The following CCNH variants were observed in gnomAD, a reference collection of about 807,000 sequenced individuals.
The protein encoded by CCNH is cyclin-H.
CCNH carries 31 observed loss-of-function variants against 41.9 expected under a neutral mutation model. The observed-to-expected ratio is 0.74, with a 90% CI of 0.56 to 1.00. CCNH has a LOEUF of 1.00. Among genes scored for constraint, CCNH ranks in the 50% least tolerant of loss-of-function variants. The probability of loss-of-function intolerance (pLI) is 0.00; values close to 1 mark genes in which losing one functional copy is unlikely to be tolerated. For missense variants in CCNH, 362 were observed against 388.4 expected, an observed-to-expected ratio of 0.93 and a Z score of 0.57; for synonymous variants, 138 against 136.1, an observed-to-expected ratio of 1.01 and a Z score of -0.10.
downstream of CCNH, among the ~76,000 whole-genome samples, chr5:87,373,338 A>G (rs1004215199): frequency 6.6e-6 from 1 of 152,126 alleles, no homozygotes; most frequent in African/African-American, 2.4e-5. Flanking sequence ...GAGATGATTT[A>G]CGGCATACAG....
At chr5:87,374,368 G>T, downstream of CCNH, 3 of 1,538,470 alleles carry the variant, frequency 1.9e-6, no homozygotes, top group Non-Finnish European at 2.7e-6. Context: ...TTACCATATT[G>T]CATTTCTTTC....
downstream of CCNH, among the ~76,000 whole-genome samples, chr5:87,393,084 A>C (rs530264395): frequency 2.3e-4 from 35 of 152,004 alleles, no homozygotes; most frequent in Non-Finnish European, 4.3e-4. Flanking sequence ...GAAAAAAAAA[A>C]AACCCACAAA....
At chr5:87,408,919 T>C (rs3093790) in intron 3 of CCNH, among the ~76,000 whole-genome samples, 3,776 of 152,090 alleles carry the variant, frequency 0.025, 106 homozygotes, top group African/African-American at 0.057. Flanking sequence ...CTGAAATGAG[T>C]ATGAAGCTAT....
At chr5:87,393,720 G>C (rs572507044), downstream of CCNH, 11 of 152,228 alleles carry the variant, frequency 7.2e-5, no homozygotes, top group East Asian at 2.1e-3. Context: ...CAATTACTCA[G>C]AAAACTGAGG....
intron 3 of CCNH, 92 bp from the exon 4 acceptor site, chr5:87,408,278 TA>T: frequency 1.7e-6 from 1 of 589,054 alleles, no homozygotes; most frequent in East Asian, 3.0e-5. Flanking sequence ...AATTTATTTC[TA>T]AAAGTATATT....
downstream of CCNH, among the ~76,000 whole-genome samples, chr5:87,387,842 A>G (rs1762171083): frequency 6.6e-6 from 1 of 152,216 alleles, no homozygotes; most frequent in Non-Finnish European, 1.5e-5. Context: ...ATGCTTCTAT[A>G]TGTGAACTGG....
chr5:87,394,762 A>G, intron 8 of CCNH: 1 of 1,346,548 alleles, frequency 7.4e-7, no homozygotes, highest in Non-Finnish European at 9.5e-7. Flanking sequence ...GGGGTAAGGG[A>G]AAAATCCTTG....
intron 7 of CCNH, among the ~76,000 whole-genome samples, chr5:87,395,908 A>T (rs1192787062): frequency 6.6e-6 from 1 of 152,072 alleles, no homozygotes; most frequent in African/African-American, 2.4e-5. Flanking sequence ...GGCAAAAATT[A>T]GTATTTGGAA....
At chr5:87,363,581 G>A in intron 9 of CCNH, 2 of 1,495,228 alleles carry the variant, frequency 1.3e-6, no homozygotes, top group South Asian at 2.3e-5. Flanking sequence ...AACCAATTTT[G>A]AGAGCCCTAA....
At chr5:87,379,633 G>A (rs115985005), upstream of CCNH, 9,867 of 1,484,964 alleles carry the variant, frequency 6.6e-3, 38 homozygotes, top group Non-Finnish European at 7.3e-3. Flanking sequence ...CAGAGATACC[G>A]AAAAATAGAC....
intron 3 of CCNH, among the ~76,000 whole-genome samples, chr5:87,408,751 C>T (rs1227983594): frequency 6.6e-6 from 1 of 152,128 alleles, no homozygotes; most frequent in African/African-American, 2.4e-5. Context: ...GCAGTGAGAT[C>T]AAGGGCCTAA....
intron 9 of CCNH, among the ~76,000 whole-genome samples, chr5:87,368,200 T>A (rs574556785): frequency 6.6e-6 from 1 of 152,274 alleles, no homozygotes; most frequent in Non-Finnish European, 1.5e-5. Context: ...TGTACCAACC[T>A]ATATATTTTC....
intron 9 of CCNH, among the ~76,000 whole-genome samples, chr5:87,364,883 TA>T (rs1338616630): frequency 6.6e-6 from 1 of 152,158 alleles, no homozygotes; most frequent in Non-Finnish European, 1.5e-5. Context: ...ATTATCCTGA[TA>T]GAATGAGGAG....
intron 9 of CCNH, among the ~76,000 whole-genome samples, chr5:87,356,779 T>C (rs1342277656): frequency 3.9e-5 from 6 of 152,204 alleles, no homozygotes; most frequent in East Asian, 3.8e-4. Context: ...ACATAACTTA[T>C]ACGTGCACTG....
In CCNH at chr5:87,346,595, ATTGG is replaced by A. The variant is rs1206419207; in HGVS notation, c.*91-27702_*91-27699del. 4.7e-6 allele frequency: 4 copies of A among 857,240 alleles called. No homozygotes were observed. In the African/African-American group the frequency reaches 6.9e-5, roughly 15 times the overall value. 53.1% of individuals were successfully genotyped at this position (857,240 alleles called of 1,614,324 possible). On this transcript the variant is annotated intron_variant and NMD_transcript_variant, in intron 9 of 9. Coordinates refer to the CCNH transcript ENST00000645953. ...TATCACTTTGAATTAAACTTACTATATTGGTTGTTTAATTTTGATCATATGATAA... is the reference window on the plus strand; with the variant it reads ...TATCACTTTGAATTAAACTTACTATATTGTTTAATTTTGATCATATGATAA...
chr5:87,372,985 A>G (rs1417297754), downstream of CCNH, among the ~76,000 whole-genome samples: 1 of 152,206 alleles, frequency 6.6e-6, no homozygotes. Flanking sequence ...ATTTAAGTAT[A>G]CACACAATCG....
downstream of CCNH, among the ~76,000 whole-genome samples, chr5:87,317,873 C>A (rs911789225): frequency 6.6e-6 from 1 of 152,016 alleles, no homozygotes; most frequent in African/African-American, 2.4e-5. Context: ...TGAGCTCAAG[C>A]AATCCGCCCA....
intron 5 of CCNH, 108 bp downstream of exon 5, chr5:87,404,736 C>A: frequency 1.1e-6 from 1 of 878,406 alleles, no homozygotes; most frequent in South Asian, 2.1e-5. Flanking sequence ...CTTCTTCTCA[C>A]CAACCATCCC....
intron 7 of CCNH, among the ~76,000 whole-genome samples, chr5:87,396,820 G>A (rs1046769743): frequency 6.6e-6 from 1 of 152,110 alleles, no homozygotes; most frequent in African/African-American, 2.4e-5. Context: ...TGTACAATAT[G>A]TATGAAAAAT....
Sources: gnomAD v4.1 joint callset for allele counts (sites outside exome capture counted in the v4.1 genomes callset) on GRCh38, gnomAD v4.1.1 for gene constraint, MANE v1.5 for transcripts, NCBI Gene and HGNC (gene_info 2026-07-23, HGNC 2026-07-21) for gene names.